Variants in AGL observed in about 807,000 individuals in gnomAD.
The protein encoded by AGL is amylo-alpha-1,6-glucosidase and 4-alpha-glucanotransferase, also known as glycogen debranching enzyme.
A neutral mutation model predicts 199.3 loss-of-function variants in AGL; 128 were observed. The observed-to-expected ratio is 0.64, with a 90% confidence interval of 0.56 to 0.74. AGL has a LOEUF of 0.74. Among genes scored for constraint, AGL ranks in the 30% least tolerant of loss-of-function variants. The probability of loss-of-function intolerance (pLI) is 0.00; values close to 1 mark genes in which losing one functional copy is unlikely to be tolerated. For synonymous variants in AGL, 584 were observed against 594.7 expected (o/e 0.98, Z 0.26); for missense variants, 1,809 against 1,820.8 (o/e 0.99, Z 0.12).
At chr1:99,896,911 G>A (rs1653372323) in intron 25 of AGL, among the ~76,000 whole-genome samples, 1 of 152,126 alleles carries the variant, frequency 6.6e-6, no homozygotes, top group Non-Finnish European at 1.5e-5. Context: ...CCGCCTCCCG[G>A]GTTGAAGCCA....
chr1:99,907,777 G>A (rs1654432590), intron 27 of AGL, among the ~76,000 whole-genome samples: 3 of 140,794 alleles, frequency 2.1e-5, no homozygotes, highest in African/African-American at 5.2e-5. Context: ...ATTTCTTAGT[G>A]ATGTTGAGCA....
rs139452445 is a variant in AGL at position 99,880,836 on chromosome 1, G to C, written c.1899+41G>C. Reference sequence around the variant, plus strand: ...TTTTCATGTACTTATTTTGCTAAATGCTTTGATATTTAACTCTCTGACACT... The same window carrying C: ...TTTTCATGTACTTATTTTGCTAAATCCTTTGATATTTAACTCTCTGACACT... On this transcript the variant is annotated intron_variant, in intron 14 of 33. Coordinates refer to ENST00000361915, the MANE Select transcript of AGL (RefSeq NM_000642.3). 1,613 of 1,603,434 alleles carry C rather than the reference G, an allele frequency of 1.0e-3. 1 individual carries two copies. Among genetic ancestry groups the C allele is most frequent in the Non-Finnish European group, 1.3e-3 (1,559 of 1,170,654 alleles).
intron 25 of AGL, 93 bp downstream of exon 25, chr1:99,896,481 A>G: frequency 1.0e-6 from 1 of 967,430 alleles, no homozygotes; most frequent in Non-Finnish European, 1.7e-6. Context: ...TCTTTTCTTA[A>G]CATTTGGGAG....
intron 12 of AGL, among the ~76,000 whole-genome samples, chr1:99,879,149 T>C (rs1024590030): frequency 7.2e-5 from 11 of 152,178 alleles, no homozygotes; most frequent in Admixed American, 7.2e-4. Flanking sequence ...TAAGAGTTAT[T>C]TATCATCATC....
chr1:99,918,367 G>A (rs556390302), intron 33 of AGL, among the ~76,000 whole-genome samples: 1 of 152,226 alleles, frequency 6.6e-6, no homozygotes, highest in South Asian at 2.1e-4. Flanking sequence ...TGAACATGTG[G>A]AATATGATTA....
intron 33 of AGL, among the ~76,000 whole-genome samples, chr1:99,920,861 T>G (rs2100898363): frequency 6.6e-6 from 1 of 152,300 alleles, no homozygotes; most frequent in African/African-American, 2.4e-5. Context: ...AACAATAAAT[T>G]TGATGTGCTA....
rs747544901 is a variant in AGL, at chr1:99,913,662, A to G, written c.4085A>G (p.Tyr1362Cys). 1 of 1,614,176 alleles carries G rather than the reference A, an allele frequency of 6.2e-7. No homozygotes were observed. The highest frequency in any genetic ancestry group is 1.1e-5 in the South Asian group (1 of 91,086). Residue 1362 changes from tyrosine to cysteine, a missense_variant, in exon 30 of 34, where the codon TAC becomes TGC. Transcript: ENST00000361915. ...HPNLVHKRGIYKDSYGASSPW... is the reference protein window; with the variant it reads ...HPNLVHKRGICKDSYGASSPW... ...AATCTGGTTCACAAACGTGGCATAT[A>G]CAAAGATAGTTATGGAGCTTCAAGT...
At chr1:99,883,360 C>T (rs1397980307) in intron 17 of AGL, among the ~76,000 whole-genome samples, 1 of 152,002 alleles carries the variant, frequency 6.6e-6, no homozygotes, top group African/African-American at 2.4e-5. Flanking sequence ...GGGAAACTTT[C>T]ATATATTTCC....
At chr1:99,888,567 C>CT (rs1180311743) in intron 21 of AGL, among the ~76,000 whole-genome samples, 1 of 151,980 alleles carries the variant, frequency 6.6e-6, no homozygotes, top group Non-Finnish European at 1.5e-5. Flanking sequence ...ATCCATTCAC[C>CT]TTTTTTTAAA....
chr1:99,892,394 A>G (rs775457620), intron 23 of AGL, 38 bp from the exon 24 acceptor site: 2 of 1,591,864 alleles, frequency 1.3e-6, no homozygotes, highest in Non-Finnish European at 8.6e-7. Flanking sequence ...TAAAAATTGT[A>G]TTTCTACAAG....
intron 21 of AGL, among the ~76,000 whole-genome samples, chr1:99,888,466 G>C (rs563389530): frequency 5.9e-5 from 9 of 151,994 alleles, no homozygotes; most frequent in Admixed American, 2.0e-4. Context: ...ATGTATACTT[G>C]GACCTTGATT....
At chr1:99,854,800 T>C (rs1452113857) in intron 2 of AGL, among the ~76,000 whole-genome samples, 1 of 148,606 alleles carries the variant, frequency 6.7e-6, no homozygotes, top group Non-Finnish European at 1.5e-5. Context: ...ATGTGAAAGA[T>C]GAGTGGAAGA....
At chr1:99,917,186 T>A (rs1655188590) in intron 33 of AGL, among the ~76,000 whole-genome samples, 1 of 152,212 alleles carries the variant, frequency 6.6e-6, no homozygotes, top group South Asian at 2.1e-4. Flanking sequence ...GTCCTAATTA[T>A]TAGCAAATAG....
chr1:99,921,432 AT>A, intron 33 of AGL, 101 bp from the exon 34 acceptor site: 1 of 791,466 alleles, frequency 1.3e-6, no homozygotes, highest in East Asian at 2.4e-5. Context: ...ATGACTACAT[AT>A]GATTATTTTC....
At chr1:99,860,619 A>G (rs1649955118) in intron 2 of AGL, among the ~76,000 whole-genome samples, 1 of 152,122 alleles carries the variant, frequency 6.6e-6, no homozygotes, top group African/African-American at 2.4e-5. Context: ...ATGTTTTTTT[A>G]AAAATAACCT....
At chr1:99,858,542 A>G (rs1422038556) in intron 2 of AGL, among the ~76,000 whole-genome samples, 3 of 152,194 alleles carry the variant, frequency 2.0e-5, no homozygotes, top group African/African-American at 7.2e-5. Context: ...GTAAAACTTC[A>G]TTTACAGAAA....
At position 99,916,475 on chromosome 1, in the gene AGL, G is replaced by A. The variant is rs1281131845; in HGVS notation, c.4325G>A (p.Gly1442Asp). The change falls in exon 32 of 34, where the codon GGT becomes GAT. Residue 1442 changes from glycine to aspartate, a missense_variant. Coordinates refer to ENST00000361915, the MANE Select transcript of AGL (RefSeq NM_000642.3). Reference protein sequence around the residue: ...LDNDNYNLAKGFNYHQGPEWL... With the variant: ...LDNDNYNLAKDFNYHQGPEWL... ...AATGACAACTACAATCTTGCTAAAG[G>A]TTTCAATTATCACCAAGGACCTGTA... 1 of 1,612,176 alleles carries A rather than the reference G, an allele frequency of 6.2e-7. No individual in the cohort carries two copies. Among genetic ancestry groups the A allele is most frequent in the Non-Finnish European group, 8.5e-7 (1 of 1,178,830 alleles).
chr1:99,900,473 T>C (rs990420059), intron 25 of AGL, among the ~76,000 whole-genome samples, 163 bp from the exon 26 acceptor site: 1 of 152,198 alleles, frequency 6.6e-6, no homozygotes, highest in Non-Finnish European at 1.5e-5. Flanking sequence ...TTTAATTCAG[T>C]ACTTACTCTA....
intron 7 of AGL, 126 bp from the exon 8 acceptor site, chr1:99,874,561 A>G (rs889521244): frequency 1.1e-6 from 1 of 922,108 alleles, no homozygotes; most frequent in Non-Finnish European, 1.7e-6. Context: ...GTAGGAGGAT[A>G]CCTGTGAAAT....
Sources: allele counts gnomAD v4.1 joint callset (sites outside exome capture counted in the v4.1 genomes callset), GRCh38; gene constraint gnomAD v4.1.1; transcripts MANE v1.5; gene names NCBI Gene and HGNC (gene_info 2026-07-23, HGNC 2026-07-21).